The following PHACTR3 variants were observed in gnomAD, a reference collection of about 807,000 sequenced individuals.
PHACTR3 encodes protein phosphatase 1, regulatory subunit 123.
In PHACTR3, 16 loss-of-function variants were observed where a neutral mutation model predicts 66.8. That is an observed-to-expected ratio of 0.24 (90% CI 0.16 to 0.36). The LOEUF (loss-of-function observed/expected upper bound fraction) is 0.36, where lower values mean the gene tolerates loss of function less well. Ranked by LOEUF, PHACTR3 falls within the 10% of genes least tolerant of loss-of-function variation. The pLI, the probability that PHACTR3 is intolerant of heterozygous loss-of-function variation, is 1.00. For missense variants in PHACTR3, 647 were observed against 719.9 expected (o/e 0.90, Z 1.16); for synonymous variants, 323 against 292.1 (o/e 1.11, Z -1.08).
chr20:59,720,624 A>G (rs2038257752), intron 1 of PHACTR3, among the ~76,000 whole-genome samples: 1 of 152,148 alleles, frequency 6.6e-6, no homozygotes, highest in South Asian at 2.1e-4. Flanking sequence ...GGTGCACACA[A>G]TCCCCTACGT....
chr20:59,718,528 G>C (rs2038178143), intron 1 of PHACTR3, among the ~76,000 whole-genome samples: 1 of 151,742 alleles, frequency 6.6e-6, no homozygotes, highest in African/African-American at 2.4e-5. Context: ...GAGACATGCA[G>C]GTACAGCATC....
chr20:59,767,462 T>G, intron 5 of PHACTR3, 67 bp downstream of exon 5: 2 of 1,473,036 alleles, frequency 1.4e-6, no homozygotes, highest in Non-Finnish European at 1.9e-6. Context: ...CTATCCTACA[T>G]TCATCCACCC....
At chr20:59,709,053 A>C (rs748622681) in intron 1 of PHACTR3, among the ~76,000 whole-genome samples, 2 of 152,308 alleles carry the variant, frequency 1.3e-5, no homozygotes, top group South Asian at 4.2e-4. Flanking sequence ...GAATCAAAAG[A>C]AGATATTGGA....
chr20:59,600,567 G>A (rs2033447987), upstream of PHACTR3, among the ~76,000 whole-genome samples: 1 of 152,210 alleles, frequency 6.6e-6, no homozygotes, highest in African/African-American at 2.4e-5. Flanking sequence ...TGCGCTGTGT[G>A]TTGGAGGGGT....
At chr20:59,731,872 T>G (rs2038778337) in intron 1 of PHACTR3, among the ~76,000 whole-genome samples, 1 of 152,196 alleles carries the variant, frequency 6.6e-6, no homozygotes, top group African/African-American at 2.4e-5. Flanking sequence ...GGAATACAGA[T>G]AGTGGATAAA....
At chr20:59,666,807 C>G (rs367991490) in intron 1 of PHACTR3, among the ~76,000 whole-genome samples, 3 of 152,194 alleles carry the variant, frequency 2.0e-5, no homozygotes. Context: ...GGCAGGCTCG[C>G]GGTCCAGGTC....
At chr20:59,845,091 A>G (rs563472829) in intron 11 of PHACTR3, 98 bp from the exon 12 acceptor site, 10 of 734,438 alleles carry the variant, frequency 1.4e-5, no homozygotes, top group Admixed American at 7.8e-5. Flanking sequence ...TACATAATAG[A>G]GTCAACAAGG....
intron 8 of PHACTR3, among the ~76,000 whole-genome samples, chr20:59,815,946 A>T (rs894141545): frequency 8.5e-5 from 13 of 152,162 alleles, no homozygotes; most frequent in African/African-American, 3.1e-4. Context: ...TTCATGGAAG[A>T]CAGTTTTTCC....
intron 1 of PHACTR3, among the ~76,000 whole-genome samples, chr20:59,648,764 A>G (rs1374597571): frequency 6.6e-6 from 1 of 152,170 alleles, no homozygotes; most frequent in Non-Finnish European, 1.5e-5. Context: ...TAGGAAAATG[A>G]TGGATTGGGT....
chr20:59,588,349 C>T (rs1046126749), intron 1 of PHACTR3, among the ~76,000 whole-genome samples: 11 of 152,130 alleles, frequency 7.2e-5, no homozygotes, highest in South Asian at 4.1e-4. Flanking sequence ...GCATTTCTGT[C>T]GCCCCTGTCC....
chr20:59,695,128 C>T (rs2037249573), intron 1 of PHACTR3, among the ~76,000 whole-genome samples: 1 of 152,088 alleles, frequency 6.6e-6, no homozygotes, highest in Admixed American at 6.5e-5. Flanking sequence ...GAGTTTATTA[C>T]CATAATTTTT....
intron 1 of PHACTR3, among the ~76,000 whole-genome samples, chr20:59,704,504 G>T (rs561988332): frequency 2.0e-5 from 3 of 149,478 alleles, no homozygotes; most frequent in South Asian, 2.1e-4. Flanking sequence ...TGAATGTGAG[G>T]TGTAGCTTCC....
intron 1 of PHACTR3, among the ~76,000 whole-genome samples, chr20:59,636,773 A>G (rs1178330791): frequency 4.6e-5 from 7 of 152,236 alleles, no homozygotes; most frequent in Non-Finnish European, 1.0e-4. Context: ...ACTATTAGCA[A>G]TGATTATTAA....
At chr20:59,614,081 G>T (rs992405334) in intron 1 of PHACTR3, among the ~76,000 whole-genome samples, 2 of 152,200 alleles carry the variant, frequency 1.3e-5, no homozygotes, top group Admixed American at 6.5e-5. Flanking sequence ...TTTATATAAA[G>T]GGGAAGCTTA....
At chr20:59,605,810 G>A (rs2033642813) in intron 1 of PHACTR3, among the ~76,000 whole-genome samples, 1 of 128,582 alleles carries the variant, frequency 7.8e-6, no homozygotes, top group African/African-American at 2.8e-5. Flanking sequence ...GGGCTTGATT[G>A]ATTACTTTCC....
chr20:59,578,913 A>G (rs1292624616), intron 1 of PHACTR3, among the ~76,000 whole-genome samples: 2 of 152,154 alleles, frequency 1.3e-5, no homozygotes, highest in African/African-American at 4.8e-5. Context: ...TTGAGCCCCT[A>G]CTGAGCGCCA....
Position 59,840,399 on chromosome 20 carries a change from G to A in PHACTR3, c.1415G>A (p.Arg472Lys), listed in dbSNP as rs1396709249. The change falls in exon 10 of 13, where the codon AGA (arginine) becomes AAA (lysine). Residue 472 changes from arginine (R) to lysine (K), a missense_variant. This residue lies in a region of PHACTR3 where 70 missense variants were observed against 148.8 expected (regional missense o/e 0.47). Transcript: ENST00000371015. Reference protein sequence around the residue: ...QRNDQTEQEERREIKQRLTRK... With the variant: ...QRNDQTEQEEKREIKQRLTRK... ...AATGATCAGACAGAGCAGGAAGAAA[G>A]AAGAGAAATCAAGCAAAGATTGACA... 7 of 1,612,964 alleles carry A rather than the reference G, an allele frequency of 4.3e-6. No individual in the cohort carries two copies.
intron 1 of PHACTR3, among the ~76,000 whole-genome samples, chr20:59,607,615 A>AG (rs1224057096): frequency 1.3e-4 from 20 of 152,068 alleles, no homozygotes; most frequent in Admixed American, 9.2e-4. Context: ...TCTTTCTCCC[A>AG]TTTTCCAGAG....
chr20:59,666,166 C>A (rs1235106861), intron 1 of PHACTR3, among the ~76,000 whole-genome samples: 1 of 152,152 alleles, frequency 6.6e-6, no homozygotes, highest in Non-Finnish European at 1.5e-5. Flanking sequence ...CAGAAATAAA[C>A]AGAGATGGAC....
Sources: gnomAD v4.1 joint callset for allele counts (sites outside exome capture counted in the v4.1 genomes callset) on GRCh38, gnomAD v4.1.1 for gene constraint, gnomAD v4.1.1 regional missense constraint, MANE v1.5 for transcripts, NCBI Gene and HGNC (gene_info 2026-07-23, HGNC 2026-07-21) for gene names.